MIEN1: variants seen among roughly 807,000 people sequenced by gnomAD.
The protein encoded by MIEN1 is HBV X-transactivated gene 4 protein.
Under a neutral mutation model 15.5 loss-of-function variants are expected in MIEN1, and 12 were observed. The ratio of observed to expected loss-of-function variants is 0.78; its 90% CI spans 0.50 to 1.26. MIEN1 has a LOEUF of 1.26. Among genes scored for constraint, MIEN1 ranks in the 50% most tolerant of loss-of-function variants. MIEN1 has a pLI of 0.00. For synonymous variants in MIEN1, 63 were observed against 62.8 expected (o/e 1.00, Z -0.02); for missense variants, 160 against 151.7 (o/e 1.05, Z -0.29).
Position 39,730,502 on chromosome 17 carries a change from C to T in MIEN1, c.-7G>A. On this transcript the variant is annotated 5_prime_UTR_variant, in exon 1 of 4. Coordinates refer to ENST00000394231, the MANE Select transcript of MIEN1 (RefSeq NM_032339.5). ...GCCCCGGCTCCCCGCTCATCGCGGC[C>T]GGCTCCGCTCGGGCCCCTGCTTCCG... 3 of 1,529,386 alleles carry T rather than the reference C, an allele frequency of 2.0e-6. No homozygotes were observed. The highest frequency in any genetic ancestry group is 2.5e-5 in the East Asian group (1 of 39,594). The allele number at this position is 1,529,386 out of a possible 1,614,324, so 94.7% of individuals were successfully genotyped here. A position where few individuals can be genotyped will look rare whatever the true frequency, so the allele number is the denominator to read the frequency against.
Position 39,729,608 on chromosome 17 carries a change from AG to A in MIEN1, c.265-4del. 2 of 1,614,106 alleles carry A rather than the reference AG, an allele frequency of 1.2e-6. No homozygotes were observed. ...GCTCTTCGGATGGCCTCAATGAGCT[AG>A]AGGAGTGGAATGACAGGATGATGCA... On this transcript the variant is annotated splice_polypyrimidine_tract_variant and splice_region_variant and intron_variant, in intron 3 of 3. Coordinates refer to ENST00000394231, the MANE Select transcript of MIEN1 (RefSeq NM_032339.5).
At position 39,729,349 on chromosome 17, in the gene MIEN1, C is replaced by G; in HGVS notation, c.*173G>C. On this transcript the variant is annotated 3_prime_UTR_variant, in exon 4 of 4. Coordinates refer to ENST00000394231, the MANE Select transcript of MIEN1 (RefSeq NM_032339.5). The stretch of plus-strand genomic sequence containing the variant: ...ATGGAGAGTGTCTCTCTCCTGCCCC[C>G]AAGGCCACGGAATCTTCTATTCCTT... 1.3e-6 allele frequency: 1 copy of G among 764,304 alleles called. No individual in the cohort carries two copies. The highest frequency in any genetic ancestry group is 2.1e-6 in the Non-Finnish European group (1 of 467,242). 47.3% of individuals were successfully genotyped at this position (764,304 alleles called of 1,614,324 possible).
rs139871281 is a variant in MIEN1 at position 39,728,877 on chromosome 17, G to A, written c.*645C>T. 117 of 186,904 alleles carry A rather than the reference G, an allele frequency of 6.3e-4. 1 individual carries two copies. The East Asian group carries it at 9.8e-3, about 16-fold the overall frequency. 11.6% of individuals were successfully genotyped at this position (186,904 alleles called of 1,614,324 possible). Reference sequence around the variant, plus strand: ...CGACCAGATCATTCTTATTTAGAACGAACTAATTCCTAAGGCCACTCACCA... The same window carrying A: ...CGACCAGATCATTCTTATTTAGAACAAACTAATTCCTAAGGCCACTCACCA... On this transcript the variant is annotated 3_prime_UTR_variant, in exon 4 of 4. Transcript: ENST00000394231.
In MIEN1 at chr17:39,730,216, G is replaced by T; in HGVS notation, c.165C>A (p.Ile55=). 1 of 1,608,024 alleles carries T rather than the reference G, an allele frequency of 6.2e-7. No homozygotes were observed. Residue 55 remains isoleucine, a synonymous_variant, in exon 2 of 4, where the codon ATC becomes ATA. Coordinates refer to ENST00000394231, the MANE Select transcript of MIEN1 (RefSeq NM_032339.5). ...AVKEQYPGIE[I]ESRLGGTGAF... ...CACCTGTGCCCCCGAGGCGCGACTCGATCTCGATGCCCGGATACTGCTCCT... is the reference window on the plus strand; with the variant it reads ...CACCTGTGCCCCCGAGGCGCGACTCTATCTCGATGCCCGGATACTGCTCCT...
chr17:39,730,396 G>A lies in MIEN1; in HGVS notation c.89+11C>T. The A allele has an allele frequency of 6.4e-7, 1 of 1,552,944 alleles. No homozygotes were observed. Among genetic ancestry groups the A allele is most frequent in the Non-Finnish European group, 8.7e-7 (1 of 1,149,422 alleles). ...GACCAGGGTGCGGGTCCTCCAGCCGGGGCCGCTCACCAGTACTCCACCACG... is the reference window on the plus strand; with the variant it reads ...GACCAGGGTGCGGGTCCTCCAGCCGAGGCCGCTCACCAGTACTCCACCACG... On this transcript the variant is annotated intron_variant, in intron 1 of 3. Transcript: ENST00000394231.
At chr17:39,729,998 C>T in intron 2 of MIEN1, 196 bp downstream of exon 2, 1 of 696,480 alleles carries the variant, frequency 1.4e-6, no homozygotes, top group Non-Finnish European at 2.4e-6. Context: ...TACACGATTG[C>T]AGTCTAATAG....
chr17:39,730,312 G>T (rs763117024), intron 1 of MIEN1, 21 bp from the exon 2 acceptor site: 1 of 1,589,962 alleles, frequency 6.3e-7, no homozygotes, highest in Non-Finnish European at 8.5e-7. Flanking sequence ...AAGAGATGGG[G>T]CTGGGCTGGG....
intron 3 of MIEN1, 21 bp from the exon 4 acceptor site, chr17:39,729,626 G>T (rs780432570): frequency 6.2e-7 from 1 of 1,614,116 alleles, no homozygotes; most frequent in Admixed American, 1.7e-5. Flanking sequence ...GGAATGACAG[G>T]ATGATGCACT....
In MIEN1 at chr17:39,730,411, ACTC is replaced by A; in HGVS notation, c.82_84del (p.Glu28del). On this transcript the variant is annotated inframe_deletion, in exon 1 of 4. Coordinates refer to ENST00000394231, the MANE Select transcript of MIEN1 (RefSeq NM_032339.5). ...CCTCCAGCCGGGGCCGCTCACCAGT[ACTC>A]CACCACGATGCGGACCCCACTGCCC... 26 of 1,553,548 alleles carry A rather than the reference ACTC, an allele frequency of 1.7e-5. No homozygotes were observed. Among genetic ancestry groups the A allele is most frequent in the Non-Finnish European group, 2.3e-5 (26 of 1,149,898 alleles).
At chr17:39,729,873 A>G (rs1304233248) in intron 2 of MIEN1, 112 bp from the exon 3 acceptor site, 2 of 1,377,246 alleles carry the variant, frequency 1.5e-6, no homozygotes, top group Admixed American at 1.9e-5. Context: ...CTGGAGACCC[A>G]TTTGTAGCTC....
chr17:39,729,940 T>C lies in MIEN1; in HGVS notation c.188-179A>G, dbSNP rs2059926491. 3 of 779,130 alleles carry C rather than the reference T, an allele frequency of 3.9e-6. No individual in the cohort carries two copies. In the East Asian group the frequency reaches 8.0e-5, roughly 21 times the overall value. 48.3% of individuals were successfully genotyped at this position (779,130 alleles called of 1,614,324 possible). A position where few individuals can be genotyped will look rare whatever the true frequency, so the allele number is the denominator to read the frequency against. On this transcript the variant is annotated intron_variant, in intron 2 of 3. Coordinates refer to ENST00000394231, the MANE Select transcript of MIEN1 (RefSeq NM_032339.5). Reference sequence around the variant, plus strand: ...CAGGGAACCTGAGGGAGGCCTCGCCTGTGTGCCCCTCGCAACACTCAATAA... The same window carrying C: ...CAGGGAACCTGAGGGAGGCCTCGCCCGTGTGCCCCTCGCAACACTCAATAA...
Position 39,730,273 on chromosome 17 carries a change from C to T in MIEN1, c.108G>A (p.Glu36=). Residue 36 remains glutamate, a synonymous_variant, in exon 2 of 4, where the codon GAG becomes GAA. Coordinates refer to ENST00000394231, the MANE Select transcript of MIEN1 (RefSeq NM_032339.5). ...VVEYCEPCGF[E]ATYLELASAV... ...CACTGGCCAGCTCCAGGTAGGTCGCCTCGAAGCCGCAGGGTTCACTGGGGA... is the reference window on the plus strand; with the variant it reads ...CACTGGCCAGCTCCAGGTAGGTCGCTTCGAAGCCGCAGGGTTCACTGGGGA... 1.9e-6 allele frequency: 3 copies of T among 1,608,166 alleles called. No homozygotes were observed. Among genetic ancestry groups the T allele is most frequent in the Non-Finnish European group, 2.5e-6 (3 of 1,179,090 alleles).
intron 2 of MIEN1, 55 bp downstream of exon 2, chr17:39,730,139 G>A: frequency 2.0e-6 from 3 of 1,496,308 alleles, no homozygotes; most frequent in East Asian, 4.7e-5. Flanking sequence ...CTAGAAAGCG[G>A]GAGAGCTGGG....
At chr17:39,729,951 C>T (rs572421887) in intron 2 of MIEN1, 190 bp from the exon 3 acceptor site, 9 of 741,722 alleles carry the variant, frequency 1.2e-5, no homozygotes, top group East Asian at 2.7e-5. Context: ...GTGTGCCCCT[C>T]GCAACACTCA....
Position 39,730,526 on chromosome 17 carries a change from C to T in MIEN1, c.-31G>A, listed in dbSNP as rs746415133. 2.0e-6 allele frequency: 3 copies of T among 1,511,414 alleles called. No homozygotes were observed. Among genetic ancestry groups the T allele is most frequent in the East Asian group, 2.6e-5 (1 of 38,158 alleles). The allele number at this position is 1,511,414 out of a possible 1,614,324, so 93.6% of individuals were successfully genotyped here. A position where few individuals can be genotyped will look rare whatever the true frequency, so the allele number is the denominator to read the frequency against. ...CCGGCTCCGCTCGGGCCCCTGCTTC[C>T]GGGTGTGACGCGAACCGCGGGCACG... On this transcript the variant is annotated 5_prime_UTR_variant, in exon 1 of 4. Coordinates refer to ENST00000394231, the MANE Select transcript of MIEN1 (RefSeq NM_032339.5).
In MIEN1 at chr17:39,729,432, G is replaced by A. The variant is rs2059920069; in HGVS notation, c.*90C>T. ...GTCTCTTTGCTAAGGAGCTAAGTAG[G>A]GGAAAGAGGCAGGGGGAGCTCCCAG... On this transcript the variant is annotated 3_prime_UTR_variant, in exon 4 of 4. Transcript: ENST00000394231. 2.0e-6 allele frequency: 3 copies of A among 1,536,932 alleles called. No individual in the cohort carries two copies. The highest frequency in any genetic ancestry group is 3.5e-5 in the Admixed American group (2 of 56,920).
At position 39,730,046 on chromosome 17, in the gene MIEN1, A is replaced by G. The variant is rs1389993749; in HGVS notation, c.187+148T>C. ...AGGCCTCTGTGACACCCCCTGACCT[A>G]TGGAAGGGAACTCATGTTGGCCGGA... On this transcript the variant is annotated intron_variant, in intron 2 of 3. Coordinates refer to ENST00000394231, the MANE Select transcript of MIEN1 (RefSeq NM_032339.5). 8.7e-6 allele frequency: 7 copies of G among 803,868 alleles called. No individual in the cohort carries two copies. The Admixed American group carries it at 1.6e-4, about 18-fold the overall frequency. 49.8% of individuals were successfully genotyped at this position (803,868 alleles called of 1,614,324 possible). A position where few individuals can be genotyped will look rare whatever the true frequency, so the allele number is the denominator to read the frequency against.
At position 39,730,237 on chromosome 17, in the gene MIEN1, C is replaced by G; in HGVS notation, c.144G>C (p.Glu48Asp). Reference sequence around the variant, plus strand: ...ACTCGATCTCGATGCCCGGATACTGCTCCTTCACAGCACTGGCCAGCTCCA... The same window carrying G: ...ACTCGATCTCGATGCCCGGATACTGGTCCTTCACAGCACTGGCCAGCTCCA... Reference protein sequence around the residue: ...TYLELASAVKEQYPGIEIESR... With the variant: ...TYLELASAVKDQYPGIEIESR... The change falls in exon 2 of 4, where the codon GAG becomes GAC. Residue 48 changes from glutamate to aspartate, a missense_variant. Glu to Asp is a conservative substitution (Grantham distance 45). Coordinates refer to ENST00000394231, the MANE Select transcript of MIEN1 (RefSeq NM_032339.5). 6.2e-7 allele frequency: 1 copy of G among 1,609,396 alleles called. No homozygotes were observed. Among genetic ancestry groups the G allele is most frequent in the Non-Finnish European group, 8.5e-7 (1 of 1,179,620 alleles).
In MIEN1 at chr17:39,730,472, C is replaced by A. The variant is rs1383422306; in HGVS notation, c.24G>T (p.Thr8=). 4.5e-6 allele frequency: 7 copies of A among 1,540,080 alleles called. No homozygotes were observed. In the African/African-American group the frequency reaches 9.7e-5, roughly 21 times the overall value. Residue 8 remains threonine, a synonymous_variant, in exon 1 of 4, where the codon ACG becomes ACT. Coordinates refer to ENST00000394231, the MANE Select transcript of MIEN1 (RefSeq NM_032339.5). MSGEPGQ[T]SVAPPPEEVE... The stretch of plus-strand genomic sequence containing the variant: ...CCTCCTCGGGAGGGGGCGCTACGGA[C>A]GTCTGCCCCGGCTCCCCGCTCATCG...
Sources: gnomAD v4.1 joint callset for allele counts on GRCh38, gnomAD v4.1.1 for gene constraint, MANE v1.5 for transcripts, NCBI Gene and HGNC (gene_info 2026-07-23, HGNC 2026-07-21) for gene names.